EMSY: variants seen among roughly 807,000 people sequenced by gnomAD.
EMSY encodes the protein BRCA2-interacting transcriptional repressor EMSY.
Under a neutral mutation model 134.6 loss-of-function variants are expected in EMSY, and 26 were observed. That is an observed-to-expected ratio of 0.19 (90% confidence interval 0.14 to 0.27). The LOEUF (loss-of-function observed/expected upper bound fraction) is 0.27. Ranked by LOEUF, EMSY falls within the 10% of genes least tolerant of loss-of-function variation. The probability of loss-of-function intolerance (pLI) is 1.00; values close to 1 mark genes in which losing one functional copy is unlikely to be tolerated. For missense variants in EMSY, 1,305 were observed against 1,611.4 expected, an observed-to-expected ratio of 0.81 and a Z score of 3.26; for synonymous variants, 579 against 577.8, an observed-to-expected ratio of 1.00 and a Z score of -0.03.
At chr11:76,496,829 T>C (rs1242268914) in intron 9 of EMSY, 1 of 322,914 alleles carries the variant, frequency 3.1e-6, no homozygotes, top group Non-Finnish European at 5.9e-6. Context: ...CTATGTCATC[T>C]ATAAATAGGG....
intron 9 of EMSY, among the ~76,000 whole-genome samples, chr11:76,504,191 A>G (rs1949987631): frequency 6.6e-6 from 1 of 151,816 alleles, no homozygotes; most frequent in Admixed American, 6.6e-5. Context: ...ACCATTTTAC[A>G]TTCCCACCAG....
At chr11:76,551,771 C>A (rs1951842761), downstream of EMSY, 1 of 152,134 alleles carries the variant, frequency 6.6e-6, no homozygotes, top group South Asian at 2.1e-4. Context: ...CAAAAAGATA[C>A]ACATGCAACA....
chr11:76,523,238 A>G (rs1291053101), exon 12 of EMSY: 3 of 1,613,814 alleles, frequency 1.9e-6, no homozygotes, highest in Non-Finnish European at 8.5e-7. Flanking sequence ...AAAAGGAACG[A>G]CCATTCAAGG....
chr11:76,473,335 C>T (rs759655121), intron 8 of EMSY, among the ~76,000 whole-genome samples: 4 of 151,346 alleles, frequency 2.6e-5, no homozygotes, highest in Non-Finnish European at 4.4e-5. Context: ...GAGACAGGGT[C>T]TCGCTCTGTC....
intron 20 of EMSY, among the ~76,000 whole-genome samples, chr11:76,546,723 C>A (rs1233558329): frequency 6.6e-6 from 1 of 152,096 alleles, no homozygotes; most frequent in Non-Finnish European, 1.5e-5. Flanking sequence ...ATTTGGGGGA[C>A]CCTTTTCTTG....
Position 76,496,197 on chromosome 11 carries a change from C to G in EMSY, c.1109-18C>G. 6.3e-7 allele frequency: 1 copy of G among 1,595,470 alleles called. No individual in the cohort carries two copies. The highest frequency in any genetic ancestry group is 1.1e-5 in the South Asian group (1 of 88,110). On this transcript the variant is annotated intron_variant, in intron 8 of 20. Transcript: ENST00000334736. The stretch of plus-strand genomic sequence containing the variant: ...GCTTTCCTATCAAATTCTCTTTTCC[C>G]TTACTCCTTTTCTACAGGTGTATCT...
At chr11:76,513,608 G>A in intron 10 of EMSY, 73 bp downstream of exon 11, 1 of 1,505,872 alleles carries the variant, frequency 6.6e-7, no homozygotes, top group South Asian at 1.3e-5. Flanking sequence ...CCAGCAATAT[G>A]CTTGACACTT....
chr11:76,450,029 CT>C, intron 2 of EMSY, among the ~76,000 whole-genome samples: 1 of 147,340 alleles, frequency 6.8e-6, no homozygotes, highest in East Asian at 2.0e-4. Flanking sequence ...ACTATCTGTT[CT>C]TTTACTCTAT....
chr11:76,451,830 T>G (rs985043290), intron 2 of EMSY, 28 bp from the exon 3 acceptor site: 2 of 1,480,292 alleles, frequency 1.4e-6, no homozygotes, highest in Non-Finnish European at 9.1e-7. Flanking sequence ...TAAAGGCCTA[T>G]CTTGATAAAA....
chr11:76,517,352 T>C (rs911298483), intron 11 of EMSY, among the ~76,000 whole-genome samples: 3 of 152,210 alleles, frequency 2.0e-5, no homozygotes, highest in Non-Finnish European at 4.4e-5. Flanking sequence ...AGGGAAAGAA[T>C]CATTGTACTC....
chr11:76,509,918 G>A (rs1950214357), intron 9 of EMSY, among the ~76,000 whole-genome samples: 1 of 152,226 alleles, frequency 6.6e-6, no homozygotes, highest in South Asian at 2.1e-4. Context: ...TATAGACCAG[G>A]TGCAGTGGCT....
intron 9 of EMSY, among the ~76,000 whole-genome samples, chr11:76,501,127 A>G (rs1321537179): frequency 6.6e-6 from 1 of 152,160 alleles, no homozygotes; most frequent in Non-Finnish European, 1.5e-5. Context: ...CTGTACTTGT[A>G]TTATTTTTTA....
chr11:76,518,819 T>C (rs970669076), intron 11 of EMSY, among the ~76,000 whole-genome samples: 1 of 149,464 alleles, frequency 6.7e-6, no homozygotes, highest in Non-Finnish European at 1.5e-5. Flanking sequence ...TTTAACCATT[T>C]TCTTATTGTA....
intron 9 of EMSY, among the ~76,000 whole-genome samples, chr11:76,498,308 G>A (rs1949728540): frequency 6.6e-6 from 1 of 152,114 alleles, no homozygotes; most frequent in South Asian, 2.1e-4. Flanking sequence ...GTTGGGTGGA[G>A]TATTCTATAT....
At chr11:76,509,209 G>A (rs1193676877) in intron 9 of EMSY, among the ~76,000 whole-genome samples, 4 of 152,034 alleles carry the variant, frequency 2.6e-5, no homozygotes, top group Non-Finnish European at 5.9e-5. Flanking sequence ...AGACTTACTC[G>A]ACGTGGGGTT....
chr11:76,492,797 T>A (rs185379825), intron 8 of EMSY, among the ~76,000 whole-genome samples: 1 of 152,014 alleles, frequency 6.6e-6, no homozygotes, highest in South Asian at 2.1e-4. Flanking sequence ...AGAACCTAAG[T>A]GTGGGATAAA....
intron 8 of EMSY, among the ~76,000 whole-genome samples, chr11:76,474,753 C>G (rs756761683): frequency 2.0e-4 from 31 of 152,124 alleles, no homozygotes; most frequent in Non-Finnish European, 4.1e-4. Flanking sequence ...AGAATATAGT[C>G]CTGTTAAATA....
At chr11:76,539,573 A>G in intron 16 of EMSY, 26 bp from the exon 18 acceptor site, 1 of 1,612,202 alleles carries the variant, frequency 6.2e-7, no homozygotes, top group Non-Finnish European at 8.5e-7. Context: ...AAAGACTATG[A>G]TTTCTTCCCT....
At chr11:76,524,057 AAAT>A (rs1219108775) in intron 12 of EMSY, among the ~76,000 whole-genome samples, 1 of 152,058 alleles carries the variant, frequency 6.6e-6, no homozygotes, top group African/African-American at 2.4e-5. Flanking sequence ...CTCAAACAAA[AAAT>A]AAATAAATAA....
Sources: allele counts gnomAD v4.1 joint callset (sites outside exome capture counted in the v4.1 genomes callset), GRCh38; gene constraint gnomAD v4.1.1; transcripts MANE v1.5; gene names NCBI Gene and HGNC (gene_info 2026-07-23, HGNC 2026-07-21).